ENPP3: variants seen among roughly 807,000 people sequenced by gnomAD.
The protein encoded by ENPP3 is ectonucleotide pyrophosphatase/phosphodiesterase family member 3.
In ENPP3, 104 loss-of-function variants were observed where a neutral mutation model predicts 117.8. That is an observed-to-expected ratio of 0.88 (90% CI 0.75 to 1.04). The LOEUF is 1.04. Among genes scored for constraint, ENPP3 ranks in the 50% least tolerant of loss-of-function variants. ENPP3 has a pLI of 0.00. For missense variants in ENPP3, 1,026 were observed against 1,051.9 expected (o/e 0.98, Z 0.34); for synonymous variants, 380 against 349.9 (o/e 1.09, Z -0.96).
At chr6:131,746,694 G>T in intron 24 of ENPP3, 92 bp from the exon 25 acceptor site, 1 of 1,125,552 alleles carries the variant, frequency 8.9e-7, no homozygotes, top group Non-Finnish European at 1.3e-6. Flanking sequence ...AAAAATCATC[G>T]GCAAAAAGAC....
At chr6:131,640,207 G>A (rs1158779507) in intron 1 of ENPP3, among the ~76,000 whole-genome samples, 1 of 152,164 alleles carries the variant, frequency 6.6e-6, no homozygotes. Flanking sequence ...TAATTTGTAA[G>A]TCTATGATGT....
At chr6:131,680,117 G>A (rs185549126) in intron 11 of ENPP3, among the ~76,000 whole-genome samples, 32 of 152,306 alleles carry the variant, frequency 2.1e-4, no homozygotes, top group African/African-American at 7.7e-4. Flanking sequence ...ATGAGTTGGA[G>A]GAAGCAGGGG....
intron 16 of ENPP3, 37 bp from the exon 17 acceptor site, chr6:131,720,255 G>T: frequency 7.9e-7 from 1 of 1,263,874 alleles, no homozygotes; most frequent in South Asian, 1.4e-5. Flanking sequence ...GAATTTGGAT[G>T]ACATCTAATA....
rs1778884863 is a variant in ENPP3, at chr6:131,677,061, T to C, written c.938+260T>C. On this transcript the variant is annotated intron_variant, in intron 10 of 24. Transcript: ENST00000357639. ...GACCAACCTGGACAACACAGTGAGA[T>C]ACTGTCTCTAAAAAAATGTAAAGAA... Among the ~76,000 whole-genome samples, 6 of 151,930 alleles carry C rather than the reference T, an allele frequency of 3.9e-5. No homozygotes were observed. In the South Asian group the frequency reaches 1.2e-3, roughly 32 times the overall value.
intron 8 of ENPP3, 78 bp downstream of exon 8, chr6:131,674,359 T>C (rs1194843651): frequency 7.2e-7 from 1 of 1,395,028 alleles, no homozygotes; most frequent in Non-Finnish European, 1.0e-6. Context: ...TCTCACTCAG[T>C]GGAGCAAGTT....
In ENPP3 at chr6:131,724,137, C is replaced by T. The variant is rs141977222; in HGVS notation, c.1798+46C>T. On this transcript the variant is annotated intron_variant, in intron 19 of 24. Transcript: ENST00000357639. ...TTAAGTCTTTGATATTTAGACCTAA[C>T]AAAACACAATGTGGCCCTTTTAGGA... 9.3e-5 allele frequency: 127 copies of T among 1,359,612 alleles called. No homozygotes were observed. In the African/African-American group the frequency reaches 1.5e-3, roughly 16 times the overall value. 84.2% of individuals were successfully genotyped at this position (1,359,612 alleles called of 1,614,324 possible). A position where few individuals can be genotyped will look rare whatever the true frequency, so the allele number is the denominator to read the frequency against.
chr6:131,681,852 G>T (rs1479408105), intron 11 of ENPP3, among the ~76,000 whole-genome samples: 1 of 152,046 alleles, frequency 6.6e-6, no homozygotes, highest in African/African-American at 2.4e-5. Context: ...TTTTGTGGGG[G>T]ATGGGGAGAG....
chr6:131,656,778 A>AT (rs1364727170), intron 5 of ENPP3, among the ~76,000 whole-genome samples: 1 of 152,090 alleles, frequency 6.6e-6, no homozygotes, highest in Non-Finnish European at 1.5e-5. Context: ...AAAAAAAAAA[A>AT]AAAAGTTTGT....
chr6:131,680,533 A>G (rs905027868), intron 11 of ENPP3, among the ~76,000 whole-genome samples: 5 of 152,208 alleles, frequency 3.3e-5, no homozygotes, highest in African/African-American at 1.2e-4. Flanking sequence ...CCTAAGGAGA[A>G]AGCAAAGAGA....
intron 2 of ENPP3, among the ~76,000 whole-genome samples, chr6:131,647,639 C>T (rs185082371): frequency 5.3e-5 from 8 of 152,228 alleles, no homozygotes; most frequent in Admixed American, 3.9e-4. Context: ...CCATAACCTC[C>T]TCTACATATT....
At chr6:131,644,430 T>A (rs1383230882) in intron 2 of ENPP3, among the ~76,000 whole-genome samples, 2 of 152,166 alleles carry the variant, frequency 1.3e-5, no homozygotes, top group Non-Finnish European at 2.9e-5. Context: ...GCAGTAGCAT[T>A]GTAGCTGGTA....
In ENPP3 at chr6:131,745,338, T is replaced by G. The variant is rs568784274; in HGVS notation, c.2458-1448T>G. On this transcript the variant is annotated intron_variant, in intron 24 of 24. Coordinates refer to ENST00000357639, the MANE Select transcript of ENPP3 (RefSeq NM_005021.5). ...TTTAATGGTTAGGAACAAAAAGTAT[T>G]TCCTCTTACTCTTCCTCTGGCTCAG... Among the ~76,000 whole-genome samples, 81 of 152,190 alleles carry G rather than the reference T, an allele frequency of 5.3e-4. 1 individual carries two copies. The South Asian group carries it at 0.016, about 30-fold the overall frequency.
Position 131,671,278 on chromosome 6 carries a change from G to C in ENPP3, c.593G>C (p.Arg198Thr). The change falls in exon 7 of 25, where the codon AGA becomes ACA. Residue 198 changes from arginine to threonine, a missense_variant. Arg to Thr is a moderately conservative substitution (Grantham distance 71). Transcript: ENST00000357639. ...KTCGIHSKYM[R>T]AMYPTKTFPN... ...TGTGGAATTCATTCAAAATACATGA[G>C]AGCTATGTATCCTACCAAAACCTTC... is the stretch of plus-strand genomic sequence containing the variant. 1.2e-6 allele frequency: 2 copies of C among 1,604,062 alleles called. No individual in the cohort carries two copies. Among genetic ancestry groups the C allele is most frequent in the Non-Finnish European group, 1.7e-6 (2 of 1,170,946 alleles).
At chr6:131,661,949 A>G (rs1778510221) in intron 6 of ENPP3, among the ~76,000 whole-genome samples, 1 of 152,144 alleles carries the variant, frequency 6.6e-6, no homozygotes. Flanking sequence ...GGCTTTTGGC[A>G]TCATGTTCAT....
At chr6:131,729,651 G>A (rs976680121) in intron 20 of ENPP3, among the ~76,000 whole-genome samples, 4 of 152,056 alleles carry the variant, frequency 2.6e-5, no homozygotes, top group African/African-American at 7.2e-5. Flanking sequence ...TGGAGGCGGG[G>A]TGGTGGTGGT....
In ENPP3 at chr6:131,716,373, A is replaced by G. The variant is rs988264078; in HGVS notation, c.1413-2299A>G. 2.0e-5 allele frequency among the ~76,000 whole-genome samples: 3 copies of G among 152,134 alleles called. No individual in the cohort carries two copies. In the East Asian group the frequency reaches 5.8e-4, roughly 29 times the overall value. On this transcript the variant is annotated intron_variant, in intron 15 of 24. Coordinates refer to ENST00000357639, the MANE Select transcript of ENPP3 (RefSeq NM_005021.5). ...AAGAGAGTTTTCAAACAATATTTTAATATTTTGCTTCTGAATGAAATTTTG... is the reference window on the plus strand; with the variant it reads ...AAGAGAGTTTTCAAACAATATTTTAGTATTTTGCTTCTGAATGAAATTTTG...
At chr6:131,719,382 AACACACACACACAC>A (rs3032879) in intron 16 of ENPP3, among the ~76,000 whole-genome samples, 6 of 133,124 alleles carry the variant, frequency 4.5e-5, no homozygotes, top group Non-Finnish European at 7.8e-5. Context: ...TTCCATTTGT[AACACACACACACAC>A]ACACACACAC....
intron 1 of ENPP3, among the ~76,000 whole-genome samples, chr6:131,638,076 G>T (rs1777964905): frequency 6.7e-6 from 1 of 148,890 alleles, no homozygotes; most frequent in African/African-American, 2.5e-5. Context: ...TCAAACTTTT[G>T]GGGTAAAGAG....
chr6:131,673,374 G>A (rs1320639067), intron 7 of ENPP3, among the ~76,000 whole-genome samples: 1 of 152,074 alleles, frequency 6.6e-6, no homozygotes, highest in Non-Finnish European at 1.5e-5. Flanking sequence ...AAAAAAGCAA[G>A]CTCATGTTTT....
Sources: gnomAD v4.1 joint callset for allele counts (sites outside exome capture counted in the v4.1 genomes callset) on GRCh38, gnomAD v4.1.1 for gene constraint, MANE v1.5 for transcripts, NCBI Gene and HGNC (gene_info 2026-07-23, HGNC 2026-07-21) for gene names.